Variants in GRID1 observed in about 807,000 individuals in gnomAD.
GRID1 encodes the protein glutamate ionotropic receptor delta type subunit 1.
GRID1 carries 28 observed loss-of-function variants against 98.0 expected under a neutral mutation model. The ratio of observed to expected loss-of-function variants is 0.29; its 90% CI spans 0.21 to 0.39. GRID1 has a LOEUF of 0.39. Ranked by LOEUF, GRID1 falls within the 10% of genes least tolerant of loss-of-function variation. The pLI is 1.00. For missense variants in GRID1, 1,111 were observed against 1,340.5 expected (o/e 0.83, Z 2.67); for synonymous variants, 553 against 538.5 (o/e 1.03, Z -0.37).
At chr10:85,980,074 C>T (rs998802154) in intron 4 of GRID1, among the ~76,000 whole-genome samples, 1 of 152,248 alleles carries the variant, frequency 6.6e-6, no homozygotes, top group African/African-American at 2.4e-5. Flanking sequence ...ATCCTCATTA[C>T]CTTCCAAATA....
intron 5 of GRID1, among the ~76,000 whole-genome samples, chr10:85,905,901 T>C (rs745699800): frequency 1.3e-5 from 2 of 152,054 alleles, no homozygotes; most frequent in Non-Finnish European, 2.9e-5. Flanking sequence ...AACCTAACAA[T>C]ATTGATGATT....
chr10:86,343,061 A>G (rs900317810), intron 2 of GRID1, among the ~76,000 whole-genome samples: 1 of 152,182 alleles, frequency 6.6e-6, no homozygotes, highest in Admixed American at 6.5e-5. Flanking sequence ...AGCCACACGA[A>G]TGTTCTCTCT....
At chr10:85,899,231 T>C (rs917196520) in intron 5 of GRID1, among the ~76,000 whole-genome samples, 1 of 152,232 alleles carries the variant, frequency 6.6e-6, no homozygotes, top group Non-Finnish European at 1.5e-5. Flanking sequence ...ATCCATGTTG[T>C]CAATAACAAG....
intron 3 of GRID1, among the ~76,000 whole-genome samples, chr10:86,166,172 G>A (rs1845395709): frequency 6.6e-6 from 1 of 152,030 alleles, no homozygotes; most frequent in Non-Finnish European, 1.5e-5. Flanking sequence ...ATGCAGGTTT[G>A]TTACATATGT....
chr10:85,743,514 G>A (rs901457450), intron 8 of GRID1, among the ~76,000 whole-genome samples: 1 of 152,178 alleles, frequency 6.6e-6, no homozygotes, highest in Non-Finnish European at 1.5e-5. Context: ...TATAAAATAT[G>A]TGGAATTGGC....
At chr10:86,068,584 G>A (rs373542949) in intron 4 of GRID1, among the ~76,000 whole-genome samples, 10 of 152,248 alleles carry the variant, frequency 6.6e-5, no homozygotes, top group African/African-American at 2.2e-4. Context: ...ATGTTCCCAC[G>A]TGGGGCTCCT....
chr10:85,936,232 C>G (rs1021092247), intron 4 of GRID1, among the ~76,000 whole-genome samples: 5 of 152,128 alleles, frequency 3.3e-5, no homozygotes, highest in Admixed American at 3.3e-4. Context: ...TAAGAAACAC[C>G]AAATTTTAAT....
intron 4 of GRID1, among the ~76,000 whole-genome samples, chr10:86,099,117 C>A (rs1844259685): frequency 6.6e-6 from 1 of 152,194 alleles, no homozygotes; most frequent in Non-Finnish European, 1.5e-5. Flanking sequence ...TAACCACTAA[C>A]CACCAGTGTT....
chr10:85,881,089 G>A (rs569317510), intron 5 of GRID1, among the ~76,000 whole-genome samples: 1 of 152,246 alleles, frequency 6.6e-6, no homozygotes, highest in African/African-American at 2.4e-5. Flanking sequence ...CCTCTTCAAG[G>A]AGAACTACAA....
At chr10:86,205,335 C>T (rs1217034170) in intron 3 of GRID1, among the ~76,000 whole-genome samples, 3 of 152,220 alleles carry the variant, frequency 2.0e-5, no homozygotes, top group Non-Finnish European at 4.4e-5. Flanking sequence ...TCTCCCACAC[C>T]CTCTAACATG....
At chr10:86,164,846 T>C (rs1845375611) in intron 3 of GRID1, among the ~76,000 whole-genome samples, 1 of 152,044 alleles carries the variant, frequency 6.6e-6, no homozygotes, top group Non-Finnish European at 1.5e-5. Context: ...CAAGGGGTAG[T>C]GGATGAAGCT....
At chr10:85,625,479 C>T (rs1842902012) in intron 13 of GRID1, among the ~76,000 whole-genome samples, 1 of 151,926 alleles carries the variant, frequency 6.6e-6, no homozygotes, top group Non-Finnish European at 1.5e-5. Flanking sequence ...ATGGTCCAGA[C>T]AAAAAAAGAA....
chr10:86,144,363 A>G (rs1397283618), intron 3 of GRID1, among the ~76,000 whole-genome samples: 1 of 152,158 alleles, frequency 6.6e-6, no homozygotes, highest in Non-Finnish European at 1.5e-5. Flanking sequence ...ACATCAAATG[A>G]AGAAGATCCT....
At chr10:86,348,705 G>A (rs1848423344) in intron 2 of GRID1, among the ~76,000 whole-genome samples, 1 of 152,254 alleles carries the variant, frequency 6.6e-6, no homozygotes, top group South Asian at 2.1e-4. Flanking sequence ...GCAAGGCCAA[G>A]GCAGAGCCAC....
chr10:85,836,077 G>GA (rs1842909441), intron 8 of GRID1, among the ~76,000 whole-genome samples: 1 of 151,768 alleles, frequency 6.6e-6, no homozygotes, highest in African/African-American at 2.4e-5. Flanking sequence ...GCTTATATTA[G>GA]AAAAACATAA....
chr10:85,992,441 A>G (rs1485378747), intron 4 of GRID1, among the ~76,000 whole-genome samples: 1 of 152,160 alleles, frequency 6.6e-6, no homozygotes, highest in Non-Finnish European at 1.5e-5. Context: ...CAGTATCTTG[A>G]AGCCTCACTA....
intron 5 of GRID1, among the ~76,000 whole-genome samples, chr10:85,875,761 T>C (rs1250269493): frequency 1.3e-5 from 2 of 152,250 alleles, no homozygotes; most frequent in Admixed American, 6.5e-5. Flanking sequence ...ACTAACACGC[T>C]AAAAACCTCC....
chr10:85,910,093 A>G (rs1354998168), intron 5 of GRID1, among the ~76,000 whole-genome samples: 1 of 152,210 alleles, frequency 6.6e-6, no homozygotes, highest in Non-Finnish European at 1.5e-5. Context: ...GTCCTCAAAG[A>G]TTCCTCAATG....
intron 4 of GRID1, among the ~76,000 whole-genome samples, chr10:86,056,548 A>T (rs1325092469): frequency 6.6e-6 from 1 of 152,128 alleles, no homozygotes; most frequent in African/African-American, 2.4e-5. Flanking sequence ...CCCCATTCCC[A>T]AACCCTTCCC....
Sources: allele counts gnomAD v4.1 joint callset (sites outside exome capture counted in the v4.1 genomes callset), GRCh38; gene constraint gnomAD v4.1.1; transcripts MANE v1.5; gene names NCBI Gene and HGNC (gene_info 2026-07-23, HGNC 2026-07-21).